ZNF483: variants seen among roughly 807,000 people sequenced by gnomAD.
The protein encoded by ZNF483 is zinc finger protein HIT-10.
A neutral mutation model predicts 28.6 loss-of-function variants in ZNF483; 9 were observed. That is an observed-to-expected ratio of 0.32 (90% CI 0.19 to 0.55). The LOEUF is 0.55. Ranked by LOEUF, ZNF483 falls within the 20% of genes least tolerant of loss-of-function variation. The pLI, the probability that ZNF483 is intolerant of heterozygous loss-of-function variation, is 0.93. For missense variants in ZNF483, 675 were observed against 871.7 expected (o/e 0.77, Z 2.84); for synonymous variants, 322 against 306.2 (o/e 1.05, Z -0.54).
rs942172239 is a variant in ZNF483 at position 111,554,019 on chromosome 9, C to T, written c.*10849C>T. Among the ~76,000 whole-genome samples, 3 of 152,190 alleles carry T rather than the reference C, an allele frequency of 2.0e-5. No homozygotes were observed. The highest frequency in any genetic ancestry group is 7.2e-5 in the African/African-American group (3 of 41,444). ...TGGAGCATTGTGCAGTGTTTTTAAG[C>T]ACTAGCCTAGAAACAGCTGAGAACC... is the stretch of plus-strand genomic sequence containing the variant. On this transcript the variant is annotated 3_prime_UTR_variant, in exon 6 of 6. Coordinates refer to ENST00000309235, the MANE Select transcript of ZNF483 (RefSeq NM_133464.5).
downstream of ZNF483, among the ~76,000 whole-genome samples, chr9:111,556,441 C>A (rs551057327): frequency 9.8e-5 from 15 of 152,354 alleles, no homozygotes; most frequent in African/African-American, 3.6e-4. Flanking sequence ...CCATGTTATC[C>A]CTCTGCACTG....
intron 5 of ZNF483, chr9:111,574,768 G>A: frequency 1.9e-6 from 3 of 1,613,964 alleles, no homozygotes; most frequent in Non-Finnish European, 2.5e-6. Context: ...TATATGTAGA[G>A]ATGGCTCCAC....
intron 5 of ZNF483, among the ~76,000 whole-genome samples, chr9:111,537,276 C>T (rs778633771): frequency 3.3e-5 from 5 of 151,756 alleles, no homozygotes; most frequent in Non-Finnish European, 7.4e-5. Context: ...GGCTGGAGTG[C>T]AATGGCGTGA....
downstream of ZNF483, among the ~76,000 whole-genome samples, chr9:111,556,276 C>G (rs1828119271): frequency 6.6e-6 from 1 of 152,250 alleles, no homozygotes; most frequent in Non-Finnish European, 1.5e-5. Context: ...CCCTGTTACT[C>G]TGCAGGGTAC....
In ZNF483 at chr9:111,542,218, A is replaced by C. The variant is rs1383093323; in HGVS notation, c.1283A>C (p.Lys428Thr). The part of the protein sequence containing the change: ...KDSCQEAALN[K>T]DEGNESGEKT... ...TCATGTCAAGAAGCAGCCTTAAATAAAGATGAGGGAAATGAGAGTGGAGAA... is the reference window on the plus strand; with the variant it reads ...TCATGTCAAGAAGCAGCCTTAAATACAGATGAGGGAAATGAGAGTGGAGAA... Residue 428 changes from lysine to threonine, a missense_variant, in exon 6 of 6, where the codon AAA becomes ACA. Physicochemically the swap from Lys to Thr is moderately conservative, Grantham distance 78. This residue lies in a region of ZNF483 where 525 missense variants were observed against 581.8 expected (regional missense o/e 0.90). Transcript: ENST00000309235. The surrounding 1 kb of genome is among the most constrained non-coding windows in gnomAD (Gnocchi z 6.2). The C allele has an allele frequency of 6.2e-7, 1 of 1,614,184 alleles. No homozygotes were observed. Among genetic ancestry groups the C allele is most frequent in the South Asian group, 1.1e-5 (1 of 91,090 alleles).
chr9:111,550,691 A>C lies in ZNF483; in HGVS notation c.*7521A>C, dbSNP rs868028132. 6.6e-6 allele frequency among the ~76,000 whole-genome samples: 1 copy of C among 152,142 alleles called. No homozygotes were observed. The highest frequency in any genetic ancestry group is 6.5e-5 in the Admixed American group (1 of 15,276). On this transcript the variant is annotated 3_prime_UTR_variant, in exon 6 of 6. Coordinates refer to ENST00000309235, the MANE Select transcript of ZNF483 (RefSeq NM_133464.5). ...GTCTTTGATTTTTCCTGCTTTCTTGAAGATTTCTTCAACTTTATCTTCCAG... is the reference window on the plus strand; with the variant it reads ...GTCTTTGATTTTTCCTGCTTTCTTGCAGATTTCTTCAACTTTATCTTCCAG...
At chr9:111,574,284 CTAATA>C (rs1311811693) in intron 5 of ZNF483, 1 of 151,848 alleles carries the variant, frequency 6.6e-6, no homozygotes, top group Non-Finnish European at 1.5e-5. Context: ...ACATAAAAAT[CTAATA>C]TAAGCTGATT....
intron 5 of ZNF483, chr9:111,563,065 G>A (rs1351517466): frequency 1.3e-6 from 2 of 1,591,858 alleles, no homozygotes; most frequent in Non-Finnish European, 1.7e-6. Context: ...GCTAAATGGT[G>A]AAAAACAAAT....
chr9:111,532,201 C>T (rs767777505), intron 3 of ZNF483, among the ~76,000 whole-genome samples: 3 of 152,006 alleles, frequency 2.0e-5, no homozygotes, highest in East Asian at 1.9e-4. Context: ...CTCAGCTACC[C>T]GGGATCTGAG....
At chr9:111,536,511 C>T (rs1052801561) in intron 5 of ZNF483, among the ~76,000 whole-genome samples, 8 of 152,016 alleles carry the variant, frequency 5.3e-5, no homozygotes, top group African/African-American at 7.2e-5. Flanking sequence ...GGCGACAGAG[C>T]GAGACTCCAT....
At chr9:111,561,147 G>GA (rs1491187821) in intron 5 of ZNF483, among the ~76,000 whole-genome samples, 1,143 of 44,412 alleles carry the variant, frequency 0.026, 71 homozygotes, top group African/African-American at 0.044. Flanking sequence ...AGGAGAGAGA[G>GA]GGAGAGAGAG....
In ZNF483 at chr9:111,573,280, G is replaced by A. The variant is rs1038025631; in HGVS notation, c.722-3085G>A. On this transcript the variant is annotated intron_variant, in intron 5 of 5. Transcript: ENST00000358151. The stretch of plus-strand genomic sequence containing the variant: ...CTTAGCACCAGTTAGAAAATTATAG[G>A]GGGAAAAAAAAGTCCCTAACAATAA... 2.0e-5 allele frequency among the ~76,000 whole-genome samples: 3 copies of A among 151,136 alleles called. No homozygotes were observed. In the East Asian group the frequency reaches 5.8e-4, roughly 29 times the overall value.
chr9:111,559,444 C>T (rs568015120), downstream of ZNF483, among the ~76,000 whole-genome samples: 4 of 152,160 alleles, frequency 2.6e-5, no homozygotes, highest in South Asian at 8.3e-4. Flanking sequence ...ACACGGATGA[C>T]TTCACTGTTG....
chr9:111,565,523 A>T (rs1016919559), intron 5 of ZNF483, among the ~76,000 whole-genome samples: 14 of 152,122 alleles, frequency 9.2e-5, no homozygotes, highest in Non-Finnish European at 1.6e-4. Context: ...TAAAACTTCT[A>T]TTTTTATTTT....
chr9:111,549,594 C>G lies in ZNF483; in HGVS notation c.*6424C>G. ...ATTATCAGAGTGGGTCGATAATCTACAAGCTTTGCTAAACCTACCTGTAGC... is the reference window on the plus strand; with the variant it reads ...ATTATCAGAGTGGGTCGATAATCTAGAAGCTTTGCTAAACCTACCTGTAGC... On this transcript the variant is annotated 3_prime_UTR_variant, in exon 6 of 6. Coordinates refer to ENST00000309235, the MANE Select transcript of ZNF483 (RefSeq NM_133464.5). The G allele has an allele frequency of 2.6e-6, 2 of 764,458 alleles. No individual in the cohort carries two copies. Among genetic ancestry groups the G allele is most frequent in the Non-Finnish European group, 4.2e-6 (2 of 478,718 alleles). The allele number at this position is 764,458 out of a possible 1,614,324, so 47.4% of individuals were successfully genotyped here.
intron 2 of ZNF483, chr9:111,528,162 C>A (rs914839505): frequency 2.5e-6 from 2 of 791,478 alleles, no homozygotes; most frequent in South Asian, 2.1e-5. Flanking sequence ...GGCAAATCAA[C>A]CAGCTCAGGC....
rs770630463 is a variant in ZNF483 at position 111,534,264 on chromosome 9, T to G, written c.632T>G (p.Phe211Cys). The G allele has an allele frequency of 1.5e-5, 25 of 1,613,856 alleles. No individual in the cohort carries two copies. Among genetic ancestry groups the G allele is most frequent in the Non-Finnish European group, 2.1e-5 (25 of 1,179,868 alleles). ...ENLRNLEFLD[F>C]PVSKLELISQ... The stretch of plus-strand genomic sequence containing the variant: ...CTGTTCTTTTCTCTATGAGCAGACT[T>G]TCCAGTTTCAAAATTAGAGTTGATT... The change falls in exon 5 of 6, where the codon TTT becomes TGT. Residue 211 changes from phenylalanine to cysteine, a missense_variant. Around this residue, in one of 6 missense-constraint regions of ZNF483, gnomAD observed 525 missense variants for 581.8 expected, o/e 0.90. Transcript: ENST00000309235.
At chr9:111,564,153 T>C in intron 5 of ZNF483, 1 of 737,078 alleles carries the variant, frequency 1.4e-6, no homozygotes, top group Non-Finnish European at 1.7e-6. Context: ...GAGACCTGAG[T>C]TACCTGATAC....
chr9:111,561,012 GAGAGA>G, intron 5 of ZNF483, among the ~76,000 whole-genome samples: 3 of 95,354 alleles, frequency 3.1e-5, no homozygotes, highest in Admixed American at 1.1e-4. Flanking sequence ...GAGAGAGAGA[GAGAGA>G]GGTGGCAGTG....
Sources: gnomAD v4.1 joint callset for allele counts (sites outside exome capture counted in the v4.1 genomes callset) on GRCh38, gnomAD v4.1.1 for gene constraint, gnomAD v4.1.1 regional missense constraint, Gnocchi (gnomAD v3.1) non-coding constraint, MANE v1.5 for transcripts, NCBI Gene and HGNC (gene_info 2026-07-23, HGNC 2026-07-21) for gene names.